Variants in CACHD1 observed in about 807,000 individuals in gnomAD.
CACHD1 encodes the protein VWFA and cache domain-containing protein 1.
Under a neutral mutation model 138.7 loss-of-function variants are expected in CACHD1, and 71 were observed. The observed-to-expected ratio is 0.51, with a 90% CI of 0.42 to 0.62. CACHD1 has a LOEUF of 0.62. CACHD1 is among the 20% of genes least tolerant of loss of function. The probability of loss-of-function intolerance (pLI) is 0.00; values close to 1 mark genes in which losing one functional copy is unlikely to be tolerated. For synonymous variants in CACHD1, 578 were observed against 591.5 expected (o/e 0.98, Z 0.33); for missense variants, 1,389 against 1,625.3 (o/e 0.85, Z 2.50).
At chr1:64,509,653 T>C (rs1646404057) in intron 1 of CACHD1, among the ~76,000 whole-genome samples, 1 of 152,166 alleles carries the variant, frequency 6.6e-6, no homozygotes, top group African/African-American at 2.4e-5. Context: ...TCTCCAAGGA[T>C]AGAAGGAAAA....
chr1:64,547,646 C>G (rs1023189880), intron 1 of CACHD1, among the ~76,000 whole-genome samples: 1 of 152,160 alleles, frequency 6.6e-6, no homozygotes, highest in African/African-American at 2.4e-5. Flanking sequence ...GGATTACAGG[C>G]ATGAGCCACC....
chr1:64,599,403 G>A (rs1647192453), intron 3 of CACHD1, among the ~76,000 whole-genome samples: 1 of 152,146 alleles, frequency 6.6e-6, no homozygotes, highest in African/African-American at 2.4e-5. Flanking sequence ...CTCATCATGG[G>A]CCAGTACTAG....
chr1:64,571,391 G>A (rs1253437424), intron 2 of CACHD1, among the ~76,000 whole-genome samples: 1 of 152,154 alleles, frequency 6.6e-6, no homozygotes, highest in East Asian at 1.9e-4. Flanking sequence ...TGAGCTCATA[G>A]TATCAATGAA....
chr1:64,633,946 C>A (rs1458665878), intron 6 of CACHD1, 98 bp from the exon 7 acceptor site: 8 of 797,692 alleles, frequency 1.0e-5, no homozygotes, highest in African/African-American at 1.7e-5. Context: ...GTTCTGTAGG[C>A]CTTCTTACTC....
intron 5 of CACHD1, among the ~76,000 whole-genome samples, chr1:64,630,302 T>A (rs1396070035): frequency 6.8e-6 from 1 of 146,592 alleles, no homozygotes; most frequent in Non-Finnish European, 1.5e-5. Context: ...TTCCTAAGAT[T>A]TTTTTTTTTT....
intron 1 of CACHD1, among the ~76,000 whole-genome samples, chr1:64,472,070 A>C (rs1193151231): frequency 6.6e-6 from 1 of 152,204 alleles, no homozygotes; most frequent in Non-Finnish European, 1.5e-5. Context: ...GAAGTTTCCA[A>C]GAATGCGTTC....
chr1:64,512,366 C>T (rs1412454186), intron 1 of CACHD1, among the ~76,000 whole-genome samples: 2 of 135,718 alleles, frequency 1.5e-5, no homozygotes, highest in Non-Finnish European at 3.0e-5. Context: ...TGCACTCCAG[C>T]CTCGGTGACA....
chr1:64,504,359 C>T lies in CACHD1; in HGVS notation c.198+33417C>T, dbSNP rs185546393. 2.6e-5 allele frequency among the ~76,000 whole-genome samples: 4 copies of T among 152,274 alleles called. No homozygotes were observed. In the East Asian group the frequency reaches 5.8e-4, roughly 22 times the overall value. On this transcript the variant is annotated intron_variant, in intron 1 of 26. Coordinates refer to ENST00000651257, the MANE Select transcript of CACHD1 (RefSeq NM_020925.4). Reference sequence around the variant, plus strand: ...AAAATGTCTTAAAAGGAGAAGACACCTATTTTACTTAAATGTGACACAACA... The same window carrying T: ...AAAATGTCTTAAAAGGAGAAGACACTTATTTTACTTAAATGTGACACAACA...
intron 26 of CACHD1, among the ~76,000 whole-genome samples, chr1:64,683,327 A>G (rs533817207): frequency 9.8e-5 from 15 of 152,318 alleles, no homozygotes; most frequent in African/African-American, 3.4e-4. Context: ...CAAACCTTTG[A>G]ACTTGCATAA....
intron 12 of CACHD1, among the ~76,000 whole-genome samples, chr1:64,657,606 C>A (rs1365735134): frequency 2.0e-5 from 3 of 152,168 alleles, no homozygotes; most frequent in African/African-American, 7.2e-5. Flanking sequence ...AATTGAATAT[C>A]TTTGCCAGCA....
At chr1:64,475,171 C>CTTTTTTTTTTTTTTTTTTTT (rs3078373) in intron 1 of CACHD1, among the ~76,000 whole-genome samples, 4 of 124,286 alleles carry the variant, frequency 3.2e-5, no homozygotes, top group Non-Finnish European at 3.2e-5. Flanking sequence ...AAATTCCTTC[C>CTTTTTTTTTTTTTTTTTTTT]TTTTTTTTTT....
chr1:64,680,152 G>A (rs909279930), intron 24 of CACHD1, among the ~76,000 whole-genome samples: 9 of 152,210 alleles, frequency 5.9e-5, no homozygotes, highest in African/African-American at 2.2e-4. Context: ...CTGCCATTAT[G>A]TAGTGTGAAT....
chr1:64,654,212 TA>T (rs1472371306), intron 11 of CACHD1, among the ~76,000 whole-genome samples: 1 of 152,144 alleles, frequency 6.6e-6, no homozygotes. Context: ...GTTGGCAAAA[TA>T]AAAGGCTAAG....
intron 13 of CACHD1, 87 bp downstream of exon 13, chr1:64,658,960 A>G (rs1188233345): frequency 1.2e-5 from 14 of 1,156,638 alleles, no homozygotes; most frequent in African/African-American, 1.6e-5. Context: ...CACCCCTCCA[A>G]AAAAGATACT....
In CACHD1 at chr1:64,675,997, T is replaced by TAATA. The variant is rs199950046; in HGVS notation, c.2975+16_2975+19dup. The TAATA allele has an allele frequency of 2.6e-3, 112 of 42,798 alleles. No homozygotes were observed. The African/African-American group carries it at 0.047, about 18-fold the overall frequency. The allele number at this position is 42,798 out of a possible 1,614,324, so 2.7% of individuals were successfully genotyped here. A position where few individuals can be genotyped will look rare whatever the true frequency, so the allele number is the denominator to read the frequency against. On this transcript the variant is annotated intron_variant, in intron 21 of 26. Coordinates refer to ENST00000651257, the MANE Select transcript of CACHD1 (RefSeq NM_020925.4). ...TGCAGAGAACCGGTAAAATAATTAA[T>TAATA]AATAATAATAATAATAATAATAATA...
intron 1 of CACHD1, among the ~76,000 whole-genome samples, chr1:64,500,717 T>TAAAAAAAAAAAA (rs72436564): frequency 7.6e-3 from 240 of 31,684 alleles, no homozygotes; most frequent in Non-Finnish European, 0.011. Context: ...CCTTGTCTCT[T>TAAAAAAAAAAAA]AAAAAAAAAA....
At chr1:64,538,167 G>A (rs990540458) in intron 1 of CACHD1, among the ~76,000 whole-genome samples, 5 of 152,108 alleles carry the variant, frequency 3.3e-5, no homozygotes, top group African/African-American at 1.2e-4. Flanking sequence ...ATAGTCAGGA[G>A]GACCTGGGAG....
chr1:64,684,360 CTTCTT>C (rs1327589888), intron 26 of CACHD1, among the ~76,000 whole-genome samples: 160 of 71,578 alleles, frequency 2.2e-3, no homozygotes, highest in African/African-American at 9.5e-3. Context: ...TCTTCTTCTT[CTTCTT>C]TTTTTTTTTT....
chr1:64,505,055 C>G (rs760656355), intron 1 of CACHD1, among the ~76,000 whole-genome samples: 3 of 152,178 alleles, frequency 2.0e-5, no homozygotes, highest in Non-Finnish European at 4.4e-5. Context: ...CTTCCTCACC[C>G]AGAAGAACAT....
Sources: allele counts gnomAD v4.1 joint callset (sites outside exome capture counted in the v4.1 genomes callset), GRCh38; gene constraint gnomAD v4.1.1; transcripts MANE v1.5; gene names NCBI Gene and HGNC (gene_info 2026-07-23, HGNC 2026-07-21).